KPNA1: variants seen among roughly 807,000 people sequenced by gnomAD.
KPNA1 encodes importin subunit alpha-5.
Under a neutral mutation model 70.5 loss-of-function variants are expected in KPNA1, and 10 were observed. The observed-to-expected ratio is 0.14, with a 90% CI of 0.09 to 0.24. KPNA1 has a LOEUF of 0.24. Ranked by LOEUF, KPNA1 falls within the 10% of genes least tolerant of loss-of-function variation. KPNA1 has a pLI of 1.00. For synonymous variants in KPNA1, 192 were observed against 221.9 expected, an observed-to-expected ratio of 0.87 and a Z score of 1.20; for missense variants, 397 against 637.9, an observed-to-expected ratio of 0.62 and a Z score of 4.07.
intron 1 of KPNA1, among the ~76,000 whole-genome samples, chr3:122,497,623 T>C (rs1054509034): frequency 1.3e-5 from 2 of 152,222 alleles, no homozygotes; most frequent in South Asian, 2.1e-4. Context: ...CTAGTGGGTG[T>C]GAGTGGCAAC....
rs1576264746 is a variant in KPNA1 at position 122,425,149 on chromosome 3, A to G, written c.*1836T>C. On this transcript the variant is annotated 3_prime_UTR_variant, in exon 14 of 14. Transcript: ENST00000344337. ...AGACACTACTACAGACTAGATGCGAAGAATGCGTCACACTCTTGGCTGATA... is the reference window on the plus strand; with the variant it reads ...AGACACTACTACAGACTAGATGCGAGGAATGCGTCACACTCTTGGCTGATA... The G allele has an allele frequency of 1.3e-5, 2 of 152,578 alleles. No individual in the cohort carries two copies. Among genetic ancestry groups the G allele is most frequent in the East Asian group, 3.8e-4 (2 of 5,200 alleles). The allele number at this position is 152,578 out of a possible 1,614,324, so 9.5% of individuals were successfully genotyped here. A position where few individuals can be genotyped will look rare whatever the true frequency, so the allele number is the denominator to read the frequency against.
At chr3:122,455,745 G>A (rs1435070691) in intron 5 of KPNA1, among the ~76,000 whole-genome samples, 4 of 151,936 alleles carry the variant, frequency 2.6e-5, no homozygotes, top group Admixed American at 6.6e-5. Flanking sequence ...TAGTAGAGAC[G>A]AGGTTTCATC....
At position 122,422,452 on chromosome 3, in the gene KPNA1, C is replaced by G. The variant is rs1485357113; in HGVS notation, c.*4533G>C. 2 of 151,932 alleles carry G rather than the reference C, an allele frequency of 1.3e-5. No homozygotes were observed. The highest frequency in any genetic ancestry group is 2.4e-5 in the African/African-American group (1 of 41,346). The allele number at this position is 151,932 out of a possible 1,614,324, so 9.4% of individuals were successfully genotyped here. ...GGCCTGAGAGGGCCTACACTCCAGTCTGTGTAACCTAAAAGCAACTTAAGC... is the reference window on the plus strand; with the variant it reads ...GGCCTGAGAGGGCCTACACTCCAGTGTGTGTAACCTAAAAGCAACTTAAGC... On this transcript the variant is annotated 3_prime_UTR_variant, in exon 14 of 14. Coordinates refer to ENST00000344337, the MANE Select transcript of KPNA1 (RefSeq NM_002264.4).
intron 1 of KPNA1, among the ~76,000 whole-genome samples, chr3:122,502,539 T>C (rs1026209869): frequency 4.6e-5 from 7 of 152,216 alleles, no homozygotes; most frequent in African/African-American, 1.7e-4. Context: ...CCTTCAGAAC[T>C]GTGAGAAAAT....
intron 13 of KPNA1, 182 bp downstream of exon 13, chr3:122,427,356 G>T (rs2075836108): frequency 5.4e-6 from 4 of 736,308 alleles, no homozygotes; most frequent in African/African-American, 5.3e-5. Flanking sequence ...ACATCTGAAA[G>T]CTAGTATTAT....
chr3:122,513,945 A>C (rs1453431122), intron 1 of KPNA1, among the ~76,000 whole-genome samples: 1 of 152,164 alleles, frequency 6.6e-6, no homozygotes, highest in African/African-American at 2.4e-5. Flanking sequence ...CTGAGTTGAA[A>C]CCTTAAAAAT....
At chr3:122,508,058 AGAG>A (rs1199381049) in intron 1 of KPNA1, among the ~76,000 whole-genome samples, 2 of 150,360 alleles carry the variant, frequency 1.3e-5, no homozygotes, top group East Asian at 3.8e-4. Flanking sequence ...AAAAATGAAC[AGAG>A]GAGAAAACAA....
At position 122,464,045 on chromosome 3, in the gene KPNA1, C is replaced by T. The variant is rs771496329; in HGVS notation, c.238-4G>A. On this transcript the variant is annotated splice_polypyrimidine_tract_variant and splice_region_variant and intron_variant, in intron 3 of 13. Transcript: ENST00000344337. ...TGTCAGAAGTGATGACACCACCCTGCGATCACAAACAAAAAGAACATATAA... is the reference window on the plus strand; with the variant it reads ...TGTCAGAAGTGATGACACCACCCTGTGATCACAAACAAAAAGAACATATAA... The T allele has an allele frequency of 7.7e-5, 116 of 1,511,664 alleles. 1 individual carries two copies. Among genetic ancestry groups the T allele is most frequent in the African/African-American group, 5.5e-5 (4 of 72,192 alleles). 93.6% of individuals were successfully genotyped at this position (1,511,664 alleles called of 1,614,324 possible).
At position 122,425,502 on chromosome 3, in the gene KPNA1, G is replaced by A. The variant is rs914549336; in HGVS notation, c.*1483C>T. On this transcript the variant is annotated 3_prime_UTR_variant, in exon 14 of 14. Transcript: ENST00000344337. Reference sequence around the variant, plus strand: ...GCACATCAACAAAAAAATCTTCTCTGGTAGTGTATCCCAACATTGAGTCAA... The same window carrying A: ...GCACATCAACAAAAAAATCTTCTCTAGTAGTGTATCCCAACATTGAGTCAA... 3.3e-5 allele frequency: 5 copies of A among 152,598 alleles called. No individual in the cohort carries two copies. The highest frequency in any genetic ancestry group is 3.3e-4 in the Admixed American group (5 of 15,276). 9.5% of individuals were successfully genotyped at this position (152,598 alleles called of 1,614,324 possible).
chr3:122,483,902 C>T (rs2076599884), intron 2 of KPNA1, among the ~76,000 whole-genome samples: 1 of 152,138 alleles, frequency 6.6e-6, no homozygotes, highest in South Asian at 2.1e-4. Flanking sequence ...TACAAAATGG[C>T]AATATGGAAT....
intron 2 of KPNA1, among the ~76,000 whole-genome samples, chr3:122,495,727 A>G (rs993453321): frequency 1.2e-3 from 53 of 45,874 alleles, no homozygotes; most frequent in African/African-American, 2.8e-3. Context: ...TCTCCTTAGC[A>G]AAAAAAAAAA....
Position 122,504,619 on chromosome 3 carries a change from C to T in KPNA1, c.-5-8049G>A, listed in dbSNP as rs115385964. ...ATTCAATTTTGCTATGAACCCAAAACTGCTCTAAGAAACTGTCTGTGTGTG... is the reference window on the plus strand; with the variant it reads ...ATTCAATTTTGCTATGAACCCAAAATTGCTCTAAGAAACTGTCTGTGTGTG... On this transcript the variant is annotated intron_variant, in intron 1 of 13. Coordinates refer to ENST00000344337, the MANE Select transcript of KPNA1 (RefSeq NM_002264.4). 3.3e-3 allele frequency among the ~76,000 whole-genome samples: 501 copies of T among 152,286 alleles called. 1 individual carries two copies. Among genetic ancestry groups the T allele is most frequent in the African/African-American group, 0.012 (480 of 41,574 alleles).
At chr3:122,470,585 A>C (rs2076430622) in intron 2 of KPNA1, among the ~76,000 whole-genome samples, 1 of 152,000 alleles carries the variant, frequency 6.6e-6, no homozygotes, top group Non-Finnish European at 1.5e-5. Flanking sequence ...AGTTAACAGC[A>C]ATGATACAAG....
intron 2 of KPNA1, among the ~76,000 whole-genome samples, chr3:122,493,186 T>C (rs1476250453): frequency 6.6e-6 from 1 of 152,174 alleles, no homozygotes; most frequent in Non-Finnish European, 1.5e-5. Context: ...GATTAAAACA[T>C]ATTATAGTTT....
At chr3:122,508,284 G>A (rs1179806053) in intron 1 of KPNA1, among the ~76,000 whole-genome samples, 6 of 152,098 alleles carry the variant, frequency 3.9e-5, no homozygotes, top group Admixed American at 2.0e-4. Flanking sequence ...ACCTGCAAAC[G>A]AAGAAGGCAA....
intron 2 of KPNA1, among the ~76,000 whole-genome samples, chr3:122,469,616 T>C (rs1202476120): frequency 2.6e-5 from 4 of 152,178 alleles, no homozygotes; most frequent in Non-Finnish European, 4.4e-5. Flanking sequence ...CATCTTGTTA[T>C]TGGGCCATGA....
intron 2 of KPNA1, among the ~76,000 whole-genome samples, chr3:122,487,699 G>C (rs1474644746): frequency 6.6e-6 from 1 of 152,162 alleles, no homozygotes; most frequent in African/African-American, 2.4e-5. Flanking sequence ...GAGATATCTA[G>C]AGAAATCAAA....
intron 2 of KPNA1, among the ~76,000 whole-genome samples, chr3:122,487,287 T>C (rs776575644): frequency 4.6e-5 from 7 of 152,190 alleles, no homozygotes; most frequent in Non-Finnish European, 8.8e-5. Context: ...CACTTATCAT[T>C]AGACAAATGG....
In KPNA1 at chr3:122,452,003, T is replaced by G. The variant is rs763240529; in HGVS notation, c.626A>C (p.Asp209Ala). ...DSTMCRDYVL[D>A]CNILPPLLQL... ...CAAAAGAGGGGGAAGGATATTGCAG[T>G]CTAAGACATAGTCCCTGCACATGGT... The change falls in exon 7 of 14, where the codon GAC becomes GCC. Residue 209 changes from aspartate (D) to alanine (A), a missense_variant. Asp to Ala is a moderately radical substitution (Grantham distance 126). Coordinates refer to ENST00000344337, the MANE Select transcript of KPNA1 (RefSeq NM_002264.4). 1 of 1,608,058 alleles carries G rather than the reference T, an allele frequency of 6.2e-7. No individual in the cohort carries two copies. Among genetic ancestry groups the G allele is most frequent in the Non-Finnish European group, 8.5e-7 (1 of 1,176,926 alleles).
Sources: allele counts gnomAD v4.1 joint callset (sites outside exome capture counted in the v4.1 genomes callset), GRCh38; gene constraint gnomAD v4.1.1; transcripts MANE v1.5; gene names NCBI Gene and HGNC (gene_info 2026-07-23, HGNC 2026-07-21).